PRKN: variants seen among roughly 807,000 people sequenced by gnomAD.
PRKN encodes the protein E3 ubiquitin-protein ligase parkin.
PRKN carries 56 observed loss-of-function variants against 59.5 expected under a neutral mutation model. The ratio of observed to expected loss-of-function variants is 0.94; its 90% CI spans 0.76 to 1.18. The LOEUF (loss-of-function observed/expected upper bound fraction) is 1.18, where lower values mean the gene tolerates loss of function less well. Ranked by LOEUF, PRKN falls within the 50% of genes most tolerant of loss-of-function variation. PRKN has a pLI of 0.00. For missense variants in PRKN, 657 were observed against 596.4 expected, an observed-to-expected ratio of 1.10 and a Z score of -1.06; for synonymous variants, 250 against 222.1, an observed-to-expected ratio of 1.13 and a Z score of -1.12.
intron 6 of PRKN, among the ~76,000 whole-genome samples, chr6:161,931,509 G>T (rs918492269): frequency 6.6e-6 from 1 of 152,058 alleles, no homozygotes. Flanking sequence ...TCTATCCCTT[G>T]ATATTGAACT....
At chr6:162,641,226 T>A (rs1015234441) in intron 1 of PRKN, among the ~76,000 whole-genome samples, 4 of 152,172 alleles carry the variant, frequency 2.6e-5, no homozygotes, top group Non-Finnish European at 5.9e-5. Flanking sequence ...TTAAGACATA[T>A]GGAACCCATG....
chr6:161,661,555 AT>A (rs35251080), intron 7 of PRKN, among the ~76,000 whole-genome samples: 68,973 of 148,474 alleles, frequency 0.46, 16,736 homozygotes, highest in Non-Finnish European at 0.54. Flanking sequence ...ACCTGCTTCC[AT>A]TTTTTTTTTT....
chr6:162,309,987 T>G (rs2128117453), intron 2 of PRKN, among the ~76,000 whole-genome samples: 1 of 152,288 alleles, frequency 6.6e-6, no homozygotes, highest in Non-Finnish European at 1.5e-5. Context: ...CCTGAATTAG[T>G]TTGCTAAGGA....
At chr6:161,892,400 A>C (rs1026891657) in intron 6 of PRKN, among the ~76,000 whole-genome samples, 4 of 150,200 alleles carry the variant, frequency 2.7e-5, no homozygotes, top group Admixed American at 2.0e-4. Context: ...ACTCCACCTC[A>C]ACCAAAAAAA....
In PRKN at chr6:161,407,847, T is replaced by C. The variant is rs1007207896; in HGVS notation, c.1084-20970A>G. Among the ~76,000 whole-genome samples, 8 of 152,170 alleles carry C rather than the reference T, an allele frequency of 5.3e-5. No individual in the cohort carries two copies. The highest frequency in any genetic ancestry group is 4.6e-4 in the Admixed American group (7 of 15,272). ...CTTGTGACATTCTTCTTTCGGACAA[T>C]GAGTCTTATGATCTCCCCACCATGC... On this transcript the variant is annotated intron_variant, in intron 9 of 11. Coordinates refer to ENST00000366898, the MANE Select transcript of PRKN (RefSeq NM_004562.3). This position sits in a 1 kb window ranked among gnomAD's most constrained non-coding sequence, Gnocchi z 4.9.
chr6:162,222,865 T>C (rs556223876), intron 3 of PRKN, among the ~76,000 whole-genome samples: 3 of 152,208 alleles, frequency 2.0e-5, no homozygotes, highest in African/African-American at 7.2e-5. Context: ...TTTATTATTA[T>C]TATACTTTAA....
At chr6:161,832,757 G>A (rs1792560397) in intron 6 of PRKN, among the ~76,000 whole-genome samples, 1 of 152,056 alleles carries the variant, frequency 6.6e-6, no homozygotes, top group Non-Finnish European at 1.5e-5. Context: ...CCTGGAGCAG[G>A]GCATCTCACC....
intron 7 of PRKN, among the ~76,000 whole-genome samples, chr6:161,716,400 T>A (rs1235045235): frequency 6.6e-6 from 1 of 152,156 alleles, no homozygotes; most frequent in Non-Finnish European, 1.5e-5. Flanking sequence ...AGAAATCTGT[T>A]TTCCTTATGC....
chr6:162,000,236 G>A (rs963433443), intron 5 of PRKN, among the ~76,000 whole-genome samples: 32 of 152,218 alleles, frequency 2.1e-4, no homozygotes, highest in African/African-American at 7.5e-4. Flanking sequence ...CTTCCAAAGT[G>A]ATGAGACCAT....
In PRKN at chr6:161,402,116, G is replaced by A. The variant is rs1462893999; in HGVS notation, c.1084-15239C>T. On this transcript the variant is annotated intron_variant, in intron 9 of 11. Transcript: ENST00000366898. The surrounding 1 kb of genome is among the most constrained non-coding windows in gnomAD (Gnocchi z 4.5). The stretch of plus-strand genomic sequence containing the variant: ...TCATCACCGCCCTGACAGTCTCAGT[G>A]GCAGGCCAGGCTCTAAAGGCTCCTC... 6.6e-6 allele frequency among the ~76,000 whole-genome samples: 1 copy of A among 152,042 alleles called. No homozygotes were observed. The highest frequency in any genetic ancestry group is 1.9e-4 in the East Asian group (1 of 5,182).
chr6:162,597,947 A>G (rs916560729), intron 1 of PRKN, among the ~76,000 whole-genome samples: 1 of 152,208 alleles, frequency 6.6e-6, no homozygotes, highest in African/African-American at 2.4e-5. Flanking sequence ...CTAGAATTAT[A>G]ATATATTGAG....
At chr6:162,404,201 T>C (rs567735277) in intron 2 of PRKN, among the ~76,000 whole-genome samples, 2 of 151,742 alleles carry the variant, frequency 1.3e-5, no homozygotes, top group African/African-American at 4.8e-5. Flanking sequence ...GAAACCCCCA[T>C]CTCTACTAAA....
chr6:161,866,467 T>C lies in PRKN; in HGVS notation c.735-80559A>G, dbSNP rs7754436. Among the ~76,000 whole-genome samples the C allele has an allele frequency of 8.5e-3, 1,287 of 151,894 alleles. 13 individuals are homozygous for C. The highest frequency in any genetic ancestry group is 0.03 in the African/African-American group (1,240 of 41,428). On this transcript the variant is annotated intron_variant, in intron 6 of 11. Coordinates refer to ENST00000366898, the MANE Select transcript of PRKN (RefSeq NM_004562.3). ...GCGCATGCCTGTAGTCCCAGCTACTTGGGAGGCTGAGGCAGGAGAATGACA... is the reference window on the plus strand; with the variant it reads ...GCGCATGCCTGTAGTCCCAGCTACTCGGGAGGCTGAGGCAGGAGAATGACA...
chr6:162,554,187 T>C (rs1367172583), intron 1 of PRKN, among the ~76,000 whole-genome samples: 2 of 152,160 alleles, frequency 1.3e-5, no homozygotes, highest in Non-Finnish European at 2.9e-5. Context: ...GGACCATTCA[T>C]GTAAATAATG....
chr6:162,493,660 T>C (rs531108108), intron 1 of PRKN, among the ~76,000 whole-genome samples: 1 of 152,212 alleles, frequency 6.6e-6, no homozygotes, highest in African/African-American at 2.4e-5. Context: ...TGAATTTGCA[T>C]ATTTAAGCTG....
Position 161,388,292 on chromosome 6 carries a change from G to C in PRKN, c.1084-1415C>G, listed in dbSNP as rs891786788. 3.3e-5 allele frequency among the ~76,000 whole-genome samples: 5 copies of C among 152,240 alleles called. No homozygotes were observed. Among genetic ancestry groups the C allele is most frequent in the Non-Finnish European group, 7.3e-5 (5 of 68,056 alleles). ...GAGGTAGTGAGATAGCACATGCTGA[G>C]TGGCTACAATCACAGCATACAATGT... On this transcript the variant is annotated intron_variant, in intron 9 of 11. Coordinates refer to ENST00000366898, the MANE Select transcript of PRKN (RefSeq NM_004562.3). The surrounding 1 kb of genome is among the most constrained non-coding windows in gnomAD (Gnocchi z 4.3).
At position 161,373,052 on chromosome 6, in the gene PRKN, C is replaced by T. The variant is rs12193036; in HGVS notation, c.1168-12847G>A. 0.033 allele frequency among the ~76,000 whole-genome samples: 5,095 copies of T among 152,100 alleles called. 121 individuals are homozygous for T. Among genetic ancestry groups the T allele is most frequent in the Non-Finnish European group, 0.05 (3,427 of 67,990 alleles). ...TTTCGAATTCTTAGCTTCAAGTGAT[C>T]CTCCCACCCTGGCCTCCCAAAGTGT... On this transcript the variant is annotated intron_variant, in intron 10 of 11. Transcript: ENST00000366898. The surrounding 1 kb of genome is among the most constrained non-coding windows in gnomAD (Gnocchi z 4.8).
intron 1 of PRKN, among the ~76,000 whole-genome samples, chr6:162,546,100 G>GTTTTTT (rs11396761): frequency 6.9e-5 from 8 of 116,656 alleles, no homozygotes; most frequent in South Asian, 2.9e-4. Flanking sequence ...AGTGTATGCA[G>GTTTTTT]TTTTTTTTTT....
At chr6:161,863,673 C>T (rs893840492) in intron 6 of PRKN, among the ~76,000 whole-genome samples, 16 of 152,108 alleles carry the variant, frequency 1.1e-4, no homozygotes, top group Non-Finnish European at 1.0e-4. Context: ...CTACACTTCC[C>T]GCCTCTACTC....
Sources: gnomAD v4.1 joint callset for allele counts (sites outside exome capture counted in the v4.1 genomes callset) on GRCh38, gnomAD v4.1.1 for gene constraint, Gnocchi (gnomAD v3.1) non-coding constraint, MANE v1.5 for transcripts, NCBI Gene and HGNC (gene_info 2026-07-23, HGNC 2026-07-21) for gene names.